ATP8A2: variants seen among roughly 807,000 people sequenced by gnomAD.
ATP8A2 encodes the protein phospholipid-transporting ATPase IB.
In ATP8A2, 100 loss-of-function variants were observed where a neutral mutation model predicts 165.6. The ratio of observed to expected loss-of-function variants is 0.60; its 90% confidence interval spans 0.51 to 0.71. The LOEUF (loss-of-function observed/expected upper bound fraction) is 0.71. ATP8A2 is among the 30% of genes least tolerant of loss of function. ATP8A2 has a pLI of 0.00. For synonymous variants in ATP8A2, 543 were observed against 548.8 expected (o/e 0.99, Z 0.15); for missense variants, 1,227 against 1,479.5 (o/e 0.83, Z 2.80).
chr13:25,392,130 G>A (rs1325746349), intron 1 of ATP8A2, among the ~76,000 whole-genome samples: 3 of 152,198 alleles, frequency 2.0e-5, no homozygotes, highest in African/African-American at 7.2e-5. Flanking sequence ...AATAGATAAT[G>A]AGCACCACCC....
chr13:25,392,184 T>C (rs1232199580), intron 1 of ATP8A2, among the ~76,000 whole-genome samples: 1 of 152,256 alleles, frequency 6.6e-6, no homozygotes, highest in Non-Finnish European at 1.5e-5. Flanking sequence ...TCTGTTTCTT[T>C]GGTGCATACT....
chr13:25,726,320 G>A (rs1401245495), intron 25 of ATP8A2, among the ~76,000 whole-genome samples: 2 of 152,164 alleles, frequency 1.3e-5, no homozygotes, highest in Non-Finnish European at 2.9e-5. Flanking sequence ...GAAAAGAATG[G>A]CAAGTGAAGG....
intron 2 of ATP8A2, among the ~76,000 whole-genome samples, chr13:25,489,789 T>C (rs1019171098): frequency 2.0e-5 from 3 of 151,806 alleles, no homozygotes; most frequent in Non-Finnish European, 2.9e-5. Flanking sequence ...CGGAAATTGA[T>C]GTATTGTGTA....
intron 25 of ATP8A2, among the ~76,000 whole-genome samples, chr13:25,720,418 TC>T (rs1461778798): frequency 1.3e-5 from 2 of 152,078 alleles, no homozygotes; most frequent in African/African-American, 2.4e-5. Flanking sequence ...TGCCTCGGCC[TC>T]CCAAAGTGCT....
At chr13:25,912,716 G>A (rs1208264769) in intron 33 of ATP8A2, among the ~76,000 whole-genome samples, 1 of 152,124 alleles carries the variant, frequency 6.6e-6, no homozygotes, top group African/African-American at 2.4e-5. Flanking sequence ...GTGTAAGTAT[G>A]GTATAGTATG....
At position 25,699,153 on chromosome 13, in the gene ATP8A2, C is replaced by T. The variant is rs2042896573; in HGVS notation, c.2212-20C>T. The T allele has an allele frequency of 6.7e-7, 1 of 1,501,556 alleles. No homozygotes were observed. Among genetic ancestry groups the T allele is most frequent in the Middle Eastern group, 1.8e-4 (1 of 5,650 alleles). 93.0% of individuals were successfully genotyped at this position (1,501,556 alleles called of 1,614,324 possible). ...TTAAACACACAAAAAATGTGATTTT[C>T]CCCTATACTCTTGTTTCAGGCCACA... On this transcript the variant is annotated intron_variant, in intron 24 of 36. Transcript: ENST00000381655.
intron 24 of ATP8A2, among the ~76,000 whole-genome samples, chr13:25,653,824 A>AG (rs371378523): frequency 2.0e-5 from 3 of 152,248 alleles, no homozygotes; most frequent in African/African-American, 7.2e-5. Flanking sequence ...CAGGCAGAGG[A>AG]GGATAAGCAT....
At chr13:25,441,798 C>T (rs774443224) in intron 1 of ATP8A2, among the ~76,000 whole-genome samples, 1 of 152,128 alleles carries the variant, frequency 6.6e-6, no homozygotes, top group Non-Finnish European at 1.5e-5. Context: ...GTATACAGTT[C>T]AGTGGGCTGA....
chr13:25,899,459 A>C (rs1217754624), intron 33 of ATP8A2, among the ~76,000 whole-genome samples: 1 of 152,196 alleles, frequency 6.6e-6, no homozygotes, highest in East Asian at 1.9e-4. Context: ...ACTCTCCTGA[A>C]AATATACTAT....
At chr13:25,565,344 C>T (rs1188182672) in intron 16 of ATP8A2, among the ~76,000 whole-genome samples, 1 of 152,200 alleles carries the variant, frequency 6.6e-6, no homozygotes, top group African/African-American at 2.4e-5. Context: ...ACACTCCCAC[C>T]AGCAGTGCAG....
chr13:25,827,620 T>C (rs1951354083), intron 27 of ATP8A2, among the ~76,000 whole-genome samples: 1 of 152,254 alleles, frequency 6.6e-6, no homozygotes, highest in East Asian at 1.9e-4. Context: ...GATTGTGTTT[T>C]GACCTTGGTC....
intron 4 of ATP8A2, 78 bp from the exon 5 acceptor site, chr13:25,532,194 C>T (rs1207366331): frequency 8.7e-7 from 1 of 1,152,584 alleles, no homozygotes; most frequent in African/African-American, 1.5e-5. Context: ...CTGTAATTTC[C>T]TGATTGTTTT....
At chr13:25,673,669 A>G (rs1353162083) in intron 24 of ATP8A2, among the ~76,000 whole-genome samples, 3 of 152,156 alleles carry the variant, frequency 2.0e-5, no homozygotes, top group African/African-American at 7.2e-5. Flanking sequence ...AATCTTCCAT[A>G]TATCCCACCC....
intron 2 of ATP8A2, among the ~76,000 whole-genome samples, chr13:25,487,158 G>C (rs2036379100): frequency 6.6e-6 from 1 of 152,180 alleles, no homozygotes; most frequent in African/African-American, 2.4e-5. Context: ...ATTTTGCGGA[G>C]TCTTTGCAGA....
chr13:25,417,206 T>C (rs1165586910), intron 1 of ATP8A2, among the ~76,000 whole-genome samples: 1 of 152,234 alleles, frequency 6.6e-6, no homozygotes, highest in Non-Finnish European at 1.5e-5. Context: ...AGGTGTGGTT[T>C]AGTTTCCCCC....
chr13:25,590,267 A>G (rs1372934344), intron 24 of ATP8A2, among the ~76,000 whole-genome samples: 1 of 152,070 alleles, frequency 6.6e-6, no homozygotes, highest in Non-Finnish European at 1.5e-5. Context: ...TCTACAAAAA[A>G]TGGAAAAATT....
chr13:25,865,420 A>T (rs1952480394), intron 33 of ATP8A2, among the ~76,000 whole-genome samples: 1 of 152,210 alleles, frequency 6.6e-6, no homozygotes, highest in African/African-American at 2.4e-5. Flanking sequence ...TCTCACTCAG[A>T]AGCCAGAAAG....
intron 24 of ATP8A2, among the ~76,000 whole-genome samples, chr13:25,671,967 G>A (rs1335741448): frequency 2.0e-5 from 3 of 152,176 alleles, no homozygotes; most frequent in Admixed American, 6.5e-5. Context: ...CGGATGCCCG[G>A]CTTTAAAGTT....
At chr13:25,564,143 G>A (rs535315383) in intron 16 of ATP8A2, 112 bp downstream of exon 16, 5 of 759,820 alleles carry the variant, frequency 6.6e-6, no homozygotes, top group Admixed American at 2.0e-5. Flanking sequence ...GAAAAGTCTC[G>A]ACTTGATGAT....
Sources: gnomAD v4.1 joint callset for allele counts (sites outside exome capture counted in the v4.1 genomes callset) on GRCh38, gnomAD v4.1.1 for gene constraint, MANE v1.5 for transcripts, NCBI Gene and HGNC (gene_info 2026-07-23, HGNC 2026-07-21) for gene names.